The following TMEM117 variants were observed in gnomAD, a reference collection of about 807,000 sequenced individuals.
The protein encoded by TMEM117 is transmembrane protein 117.
Under a neutral mutation model 52.4 loss-of-function variants are expected in TMEM117, and 27 were observed. The ratio of observed to expected loss-of-function variants is 0.51; its 90% CI spans 0.38 to 0.71. The LOEUF (loss-of-function observed/expected upper bound fraction) is 0.71. TMEM117 is among the 30% of genes least tolerant of loss of function. The probability of loss-of-function intolerance (pLI) is 0.00; values close to 1 mark genes in which losing one functional copy is unlikely to be tolerated. For synonymous variants in TMEM117, 215 were observed against 206.3 expected, an observed-to-expected ratio of 1.04 and a Z score of -0.36; for missense variants, 556 against 630.5, an observed-to-expected ratio of 0.88 and a Z score of 1.26.
At chr12:44,217,006 T>G (rs542852646) in intron 5 of TMEM117, among the ~76,000 whole-genome samples, 140 of 152,310 alleles carry the variant, frequency 9.2e-4, no homozygotes, top group African/African-American at 3.2e-3. Context: ...ATCATAGTTA[T>G]TAAAGTTTAA....
intron 2 of TMEM117, among the ~76,000 whole-genome samples, chr12:43,857,711 T>C (rs184507039): frequency 4.2e-4 from 64 of 152,358 alleles, no homozygotes; most frequent in Non-Finnish European, 4.4e-5. Context: ...TTTGAGATGA[T>C]GCTGCCAGAA....
chr12:44,228,196 C>T (rs761803994), intron 5 of TMEM117, among the ~76,000 whole-genome samples: 1 of 151,780 alleles, frequency 6.6e-6, no homozygotes, highest in Non-Finnish European at 1.5e-5. Context: ...GTTCTGGCTG[C>T]TGAGGGAAGC....
At chr12:44,357,520 C>T (rs1349058078) in intron 6 of TMEM117, among the ~76,000 whole-genome samples, 1 of 152,038 alleles carries the variant, frequency 6.6e-6, no homozygotes, top group Admixed American at 6.6e-5. Context: ...TAGAGTGTGG[C>T]TATACATAGA....
chr12:44,000,508 G>A (rs1362764648), intron 3 of TMEM117, among the ~76,000 whole-genome samples: 1 of 152,152 alleles, frequency 6.6e-6, no homozygotes, highest in African/African-American at 2.4e-5. Context: ...CTGAGGAGCT[G>A]CAGGCCCCAG....
the TMEM117 span, among the ~76,000 whole-genome samples, chr12:43,827,544 T>TGG: frequency 1.3e-5 from 2 of 152,092 alleles, no homozygotes; most frequent in African/African-American, 4.8e-5. Flanking sequence ...ATAACATTAT[T>TGG]GGGGGGGATA....
intron 3 of TMEM117, among the ~76,000 whole-genome samples, chr12:44,063,067 T>C (rs933252351): frequency 3.3e-5 from 5 of 152,198 alleles, no homozygotes; most frequent in African/African-American, 1.2e-4. Context: ...TTGAACAGTC[T>C]GAACATTTAG....
At chr12:44,004,483 T>C (rs1946163840) in intron 3 of TMEM117, among the ~76,000 whole-genome samples, 1 of 152,162 alleles carries the variant, frequency 6.6e-6, no homozygotes. Flanking sequence ...CTGCAGGAAG[T>C]TGAATTTCCC....
chr12:44,017,326 C>CTTTTTTTTTTTTTTT (rs79007657), intron 3 of TMEM117, among the ~76,000 whole-genome samples: 5 of 97,108 alleles, frequency 5.1e-5, no homozygotes, highest in Non-Finnish European at 8.4e-5. Context: ...TCTTTCTTTC[C>CTTTTTTTTTTTTTTT]TTTTTTTTTT....
chr12:43,912,519 A>ATATATATATATATATC (rs1944528530), intron 2 of TMEM117, among the ~76,000 whole-genome samples: 1 of 21,244 alleles, frequency 4.7e-5, no homozygotes, highest in African/African-American at 5.5e-5. Context: ...ATATATATAT[A>ATATATATATATATATC]TATATATATA....
intron 5 of TMEM117, among the ~76,000 whole-genome samples, chr12:44,287,192 G>A (rs1950649020): frequency 6.6e-6 from 1 of 152,064 alleles, no homozygotes; most frequent in African/African-American, 2.4e-5. Flanking sequence ...TTGAGGAAAA[G>A]GAAATAGACT....
chr12:44,114,646 G>T (rs1005009081), intron 3 of TMEM117, among the ~76,000 whole-genome samples: 11 of 152,088 alleles, frequency 7.2e-5, no homozygotes, highest in African/African-American at 2.7e-4. Context: ...AGTCAGTGAG[G>T]CCAATCATAC....
intron 1 of TMEM117, among the ~76,000 whole-genome samples, chr12:43,841,105 C>T (rs2137346828): frequency 6.6e-6 from 1 of 152,200 alleles, no homozygotes; most frequent in African/African-American, 2.4e-5. Flanking sequence ...AATTTGGGAC[C>T]CTCTAGAAGA....
At chr12:44,177,305 C>T (rs985938295) in intron 4 of TMEM117, among the ~76,000 whole-genome samples, 10 of 152,104 alleles carry the variant, frequency 6.6e-5, no homozygotes, top group African/African-American at 2.4e-4. Context: ...TTTTCCTTTT[C>T]TTCTTTACAC....
At chr12:43,907,117 C>T (rs1944405784) in intron 2 of TMEM117, among the ~76,000 whole-genome samples, 1 of 152,164 alleles carries the variant, frequency 6.6e-6, no homozygotes, top group African/African-American at 2.4e-5. Context: ...TTGAAGAGAG[C>T]AGTGGTTCTC....
intron 6 of TMEM117, among the ~76,000 whole-genome samples, chr12:44,362,546 AAAG>A (rs1951734716): frequency 6.6e-6 from 1 of 152,158 alleles, no homozygotes; most frequent in African/African-American, 2.4e-5. Flanking sequence ...TTAGCAAATA[AAAG>A]GTGATGGCAC....
intron 6 of TMEM117, among the ~76,000 whole-genome samples, chr12:44,329,277 A>G (rs1420474216): frequency 1.3e-5 from 2 of 152,138 alleles, no homozygotes; most frequent in African/African-American, 2.4e-5. Flanking sequence ...GTATCAACCA[A>G]TACCATGATG....
intron 3 of TMEM117, among the ~76,000 whole-genome samples, chr12:44,096,866 G>T (rs1349078691): frequency 6.6e-6 from 1 of 151,236 alleles, no homozygotes; most frequent in African/African-American, 2.5e-5. Flanking sequence ...TGACAAATGG[G>T]ATCTAATTCA....
chr12:44,287,105 T>C (rs1198494309), intron 5 of TMEM117, among the ~76,000 whole-genome samples: 2 of 152,174 alleles, frequency 1.3e-5, no homozygotes, highest in Non-Finnish European at 2.9e-5. Context: ...TTAGGAACCA[T>C]TGGATTATAA....
At chr12:43,833,100 C>T (rs1360059568), upstream of TMEM117, among the ~76,000 whole-genome samples, 1 of 152,046 alleles carries the variant, frequency 6.6e-6, no homozygotes, top group African/African-American at 2.4e-5. Flanking sequence ...AGTATTTTGC[C>T]TTGAAGTGGT....
Sources: allele counts gnomAD v4.1 joint callset (sites outside exome capture counted in the v4.1 genomes callset), GRCh38; gene constraint gnomAD v4.1.1; transcripts MANE v1.5; gene names NCBI Gene and HGNC (gene_info 2026-07-23, HGNC 2026-07-21).